The following INPP5A variants were observed in gnomAD, a reference collection of about 807,000 sequenced individuals.
INPP5A encodes the protein 43 kDa inositol polyphosphate 5-phophatase.
INPP5A carries 14 observed loss-of-function variants against 65.2 expected under a neutral mutation model. That is an observed-to-expected ratio of 0.21 (90% CI 0.14 to 0.34). INPP5A has a LOEUF of 0.34. Ranked by LOEUF, INPP5A falls within the 10% of genes least tolerant of loss-of-function variation. INPP5A has a pLI of 1.00. For synonymous variants in INPP5A, 207 were observed against 208.3 expected (o/e 0.99, Z 0.05); for missense variants, 431 against 545.6 (o/e 0.79, Z 2.09).
At chr10:132,745,744 A>C (rs1355734639) in intron 9 of INPP5A, among the ~76,000 whole-genome samples, 2 of 129,888 alleles carry the variant, frequency 1.5e-5, no homozygotes, top group Non-Finnish European at 3.2e-5. Flanking sequence ...GGTGGGCCTC[A>C]GCTGTGGTGG....
rs913054862 is a variant in INPP5A, at chr10:132,537,892, G to A, written c.-205G>A. The A allele has an allele frequency of 6.5e-5, 20 of 307,336 alleles. No homozygotes were observed. The highest frequency in any genetic ancestry group is 4.2e-4 in the African/African-American group (19 of 45,048). 19.0% of individuals were successfully genotyped at this position (307,336 alleles called of 1,614,324 possible). A position where few individuals can be genotyped will look rare whatever the true frequency, so the allele number is the denominator to read the frequency against. ...CGCGGCGGCGAGCGACGGGCGCGGG[G>A]CCGCGGAGCAGCGAGCGAGCGAGCG... On this transcript the variant is annotated 5_prime_UTR_variant, in exon 1 of 16. Transcript: ENST00000368594.
At chr10:132,686,971 G>A (rs1845141505) in intron 4 of INPP5A, among the ~76,000 whole-genome samples, 1 of 152,224 alleles carries the variant, frequency 6.6e-6, no homozygotes, top group African/African-American at 2.4e-5. Flanking sequence ...TTGAGACGGA[G>A]TCTCGCCCTG....
At chr10:132,539,079 C>A (rs552515966) in intron 1 of INPP5A, among the ~76,000 whole-genome samples, 3 of 152,284 alleles carry the variant, frequency 2.0e-5, no homozygotes, top group African/African-American at 4.8e-5. Flanking sequence ...CAAGCTCCTG[C>A]CCCTGAATCC....
At chr10:132,719,471 G>A (rs1376434217) in intron 8 of INPP5A, among the ~76,000 whole-genome samples, 27 of 144,804 alleles carry the variant, frequency 1.9e-4, no homozygotes, top group Non-Finnish European at 1.8e-4. Context: ...CACCTTAGAC[G>A]GCTGTCTTGC....
intron 1 of INPP5A, among the ~76,000 whole-genome samples, chr10:132,572,758 A>C (rs953560952): frequency 2.0e-5 from 3 of 151,700 alleles, no homozygotes; most frequent in Admixed American, 1.3e-4. Flanking sequence ...GTGCCACTTA[A>C]CCTGGTGTTG....
chr10:132,751,443 C>T (rs1846474844), intron 11 of INPP5A, among the ~76,000 whole-genome samples: 1 of 152,254 alleles, frequency 6.6e-6, no homozygotes, highest in Non-Finnish European at 1.5e-5. Flanking sequence ...CTCAAGCCTC[C>T]AGGGCCTGGT....
chr10:132,593,809 C>T (rs1044249935), intron 1 of INPP5A, among the ~76,000 whole-genome samples: 4 of 151,962 alleles, frequency 2.6e-5, no homozygotes, highest in East Asian at 1.9e-4. Flanking sequence ...CTCTGGGCTT[C>T]GTGGATCTGT....
chr10:132,738,415 A>G (rs1171707016), intron 9 of INPP5A, among the ~76,000 whole-genome samples: 1 of 152,168 alleles, frequency 6.6e-6, no homozygotes, highest in Non-Finnish European at 1.5e-5. Context: ...CCTTTGCCAC[A>G]TCCCCCTCCC....
rs879827104 is a variant in INPP5A at position 132,597,494 on chromosome 10, ATTG to A, written c.76-10418_76-10416del. ...TTTGAGTCACATATTAGGATATTAT[ATTG>A]TTATTTCAGTTGTGAATTTTAAGAA... On this transcript the variant is annotated intron_variant, in intron 1 of 15. Transcript: ENST00000368594. 1.6e-4 allele frequency among the ~76,000 whole-genome samples: 24 copies of A among 152,318 alleles called. No individual in the cohort carries two copies. The South Asian group carries it at 2.1e-3, about 13-fold the overall frequency.
intron 1 of INPP5A, among the ~76,000 whole-genome samples, 166 bp from the exon 2 acceptor site, chr10:132,607,749 G>C (rs897752190): frequency 5.9e-5 from 9 of 152,254 alleles, no homozygotes; most frequent in Non-Finnish European, 1.0e-4. Flanking sequence ...CGGGGTCCCC[G>C]CGTGGGCCTG....
chr10:132,620,171 G>T (rs2072091341), intron 2 of INPP5A, among the ~76,000 whole-genome samples: 1 of 152,200 alleles, frequency 6.6e-6, no homozygotes, highest in Admixed American at 6.5e-5. Flanking sequence ...GACAGGAGGA[G>T]CTGCTGCAAA....
At chr10:132,662,198 G>A (rs990428011) in intron 4 of INPP5A, among the ~76,000 whole-genome samples, 17 of 152,242 alleles carry the variant, frequency 1.1e-4, no homozygotes, top group African/African-American at 3.6e-4. Flanking sequence ...TGCAGCCGTC[G>A]TGTTAGTGCT....
At chr10:132,671,654 C>T (rs535843639) in intron 4 of INPP5A, among the ~76,000 whole-genome samples, 381 of 152,324 alleles carry the variant, frequency 2.5e-3, no homozygotes, top group African/African-American at 8.6e-3. Context: ...GGAAGCAGCA[C>T]CAACACCTCC....
At chr10:132,592,491 C>T (rs549655655) in intron 1 of INPP5A, among the ~76,000 whole-genome samples, 4 of 152,334 alleles carry the variant, frequency 2.6e-5, no homozygotes, top group African/African-American at 7.2e-5. Context: ...CCTCAGCTCA[C>T]TGCAGCCTCC....
At chr10:132,750,332 G>C (rs771145287) in intron 11 of INPP5A, among the ~76,000 whole-genome samples, 2 of 152,246 alleles carry the variant, frequency 1.3e-5, no homozygotes, top group Admixed American at 6.5e-5. Flanking sequence ...ATCTGCCTCT[G>C]TGGGGTGGGT....
At chr10:132,688,273 G>A (rs183265864) in intron 4 of INPP5A, among the ~76,000 whole-genome samples, 50 of 152,312 alleles carry the variant, frequency 3.3e-4, no homozygotes, top group African/African-American at 1.2e-3. Flanking sequence ...GCCGCCCTGC[G>A]CCTCTGAGGG....
intron 8 of INPP5A, among the ~76,000 whole-genome samples, chr10:132,725,581 G>A (rs911472393): frequency 2.6e-5 from 4 of 152,292 alleles, no homozygotes; most frequent in African/African-American, 7.2e-5. Flanking sequence ...CCTGCCTCCC[G>A]GCCTCATCCC....
chr10:132,711,324 A>G (rs759340427), intron 8 of INPP5A, among the ~76,000 whole-genome samples: 50 of 152,124 alleles, frequency 3.3e-4, no homozygotes, highest in Non-Finnish European at 6.6e-4. Flanking sequence ...CTCCCCATCT[A>G]CAGCTGGGCC....
chr10:132,590,261 C>T (rs1266604984), intron 1 of INPP5A, among the ~76,000 whole-genome samples: 1 of 152,050 alleles, frequency 6.6e-6, no homozygotes, highest in East Asian at 1.9e-4. Context: ...GACAGTGTGG[C>T]CTTCATCCGT....
Sources: gnomAD v4.1 joint callset for allele counts (sites outside exome capture counted in the v4.1 genomes callset) on GRCh38, gnomAD v4.1.1 for gene constraint, MANE v1.5 for transcripts, NCBI Gene and HGNC (gene_info 2026-07-23, HGNC 2026-07-21) for gene names.